SLC23A2: variants seen among roughly 807,000 people sequenced by gnomAD.
SLC23A2 encodes the protein solute carrier family 23 member 2.
In SLC23A2, 36 loss-of-function variants were observed where a neutral mutation model predicts 73.3. That is an observed-to-expected ratio of 0.49 (90% CI 0.38 to 0.65). The LOEUF (loss-of-function observed/expected upper bound fraction) is 0.65. Ranked by LOEUF, SLC23A2 falls within the 30% of genes least tolerant of loss-of-function variation. The pLI is 0.00. For synonymous variants in SLC23A2, 343 were observed against 327.3 expected (o/e 1.05, Z -0.52); for missense variants, 507 against 841.6 (o/e 0.60, Z 4.92).
At chr20:4,882,675 G>C (rs1930937815) in intron 9 of SLC23A2, among the ~76,000 whole-genome samples, 1 of 152,076 alleles carries the variant, frequency 6.6e-6, no homozygotes, top group Non-Finnish European at 1.5e-5. Context: ...ATTACGTCGT[G>C]GTGCTCAGTG....
At chr20:4,927,882 T>C (rs1451475690) in intron 3 of SLC23A2, among the ~76,000 whole-genome samples, 5 of 151,994 alleles carry the variant, frequency 3.3e-5, no homozygotes, top group African/African-American at 4.8e-5. Context: ...ACTAATCCCA[T>C]CCATCAGGCA....
At chr20:4,917,102 C>T (rs574593086) in intron 3 of SLC23A2, among the ~76,000 whole-genome samples, 1 of 152,310 alleles carries the variant, frequency 6.6e-6, no homozygotes, top group South Asian at 2.1e-4. Context: ...CCTGCAGGAG[C>T]TCAGTCCAGA....
intron 4 of SLC23A2, among the ~76,000 whole-genome samples, chr20:4,912,322 A>G (rs1389933635): frequency 6.6e-6 from 1 of 152,130 alleles, no homozygotes; most frequent in Non-Finnish European, 1.5e-5. Context: ...TGCTACGGTC[A>G]AAACTCAAAG....
intron 1 of SLC23A2, among the ~76,000 whole-genome samples, chr20:4,995,597 TG>T (rs1690787898): frequency 6.6e-6 from 1 of 152,188 alleles, no homozygotes. Context: ...CGATCTGGAA[TG>T]TCATTCCCAA....
intron 3 of SLC23A2, among the ~76,000 whole-genome samples, chr20:4,916,933 G>C (rs568178359): frequency 6.6e-5 from 10 of 152,308 alleles, no homozygotes; most frequent in African/African-American, 1.2e-4. Flanking sequence ...AGTAGGTTAG[G>C]TGTATTAAAT....
chr20:4,912,243 A>G (rs1932182837), intron 4 of SLC23A2, among the ~76,000 whole-genome samples: 1 of 152,098 alleles, frequency 6.6e-6, no homozygotes. Flanking sequence ...AAAATAAACA[A>G]AAAAACCACA....
At chr20:4,926,185 C>T (rs976506061) in intron 3 of SLC23A2, among the ~76,000 whole-genome samples, 4 of 150,460 alleles carry the variant, frequency 2.7e-5, no homozygotes, top group Non-Finnish European at 5.9e-5. Flanking sequence ...TAAAGTTACT[C>T]GTCGGTCCAT....
intron 11 of SLC23A2, among the ~76,000 whole-genome samples, chr20:4,871,597 G>A (rs935606609): frequency 6.6e-6 from 1 of 152,180 alleles, no homozygotes; most frequent in African/African-American, 2.4e-5. Context: ...AGTCAGACGT[G>A]CAGAATAAGC....
At chr20:4,859,640 G>C in intron 15 of SLC23A2, among the ~76,000 whole-genome samples, 1 of 152,224 alleles carries the variant, frequency 6.6e-6, no homozygotes, top group East Asian at 1.9e-4. Flanking sequence ...ATGAATCTAA[G>C]AGTGGTGTTC....
chr20:4,932,713 G>A lies in SLC23A2; in HGVS notation c.-151C>T, dbSNP rs6052969. On this transcript the variant is annotated 5_prime_UTR_variant, in exon 3 of 17. Transcript: ENST00000338244. ...TGAGGCCTGCAAACGGCATCTCTTA[G>A]CACCTAGAAAAGAAGAGCACAGCCA... The A allele has an allele frequency of 1.7e-6, 1 of 602,582 alleles. No homozygotes were observed. The allele number at this position is 602,582 out of a possible 1,614,324, so 37.3% of individuals were successfully genotyped here.
intron 2 of SLC23A2, among the ~76,000 whole-genome samples, chr20:4,940,185 G>A (rs1319686445): frequency 2.0e-5 from 3 of 152,028 alleles, no homozygotes; most frequent in Admixed American, 6.6e-5. Flanking sequence ...TGGGTGTGGT[G>A]GCATGCACCT....
intron 1 of SLC23A2, among the ~76,000 whole-genome samples, chr20:5,006,515 A>G (rs1353223562): frequency 6.6e-6 from 1 of 151,834 alleles, no homozygotes; most frequent in Non-Finnish European, 1.5e-5. Flanking sequence ...CCTATCATCA[A>G]ATTGATGGCA....
At chr20:5,008,033 C>T (rs1382047197) in intron 1 of SLC23A2, among the ~76,000 whole-genome samples, 1 of 152,052 alleles carries the variant, frequency 6.6e-6, no homozygotes, top group Non-Finnish European at 1.5e-5. Context: ...CCTCAGCCTC[C>T]TGAGTAGCTG....
At chr20:4,869,646 T>A (rs1930359133) in intron 12 of SLC23A2, 1 of 433,410 alleles carries the variant, frequency 2.3e-6, no homozygotes, top group Non-Finnish European at 4.1e-6. Context: ...GAGTGTGTTA[T>A]TTGATGTCAC....
intron 4 of SLC23A2, among the ~76,000 whole-genome samples, chr20:4,912,300 A>C (rs916030162): frequency 3.3e-5 from 5 of 152,080 alleles, no homozygotes; most frequent in African/African-American, 1.2e-4. Context: ...TGGCACACTA[A>C]GGTGCCAAAG....
At chr20:4,895,561 T>C (rs1433239721) in intron 6 of SLC23A2, among the ~76,000 whole-genome samples, 1 of 152,158 alleles carries the variant, frequency 6.6e-6, no homozygotes, top group Non-Finnish European at 1.5e-5. Context: ...TTAGGCGAAA[T>C]ATATCATTCC....
intron 3 of SLC23A2, among the ~76,000 whole-genome samples, chr20:4,922,297 G>C (rs1320494407): frequency 6.6e-6 from 1 of 152,094 alleles, no homozygotes; most frequent in Non-Finnish European, 1.5e-5. Context: ...AAGGCTGTGG[G>C]GCAGGGAGAT....
chr20:4,966,026 C>T (rs928502572), intron 2 of SLC23A2, among the ~76,000 whole-genome samples: 2 of 149,754 alleles, frequency 1.3e-5, no homozygotes, highest in Admixed American at 6.7e-5. Flanking sequence ...TATAATCATA[C>T]CACCATACTC....
At chr20:4,891,907 C>T (rs1931344314) in intron 6 of SLC23A2, among the ~76,000 whole-genome samples, 1 of 151,596 alleles carries the variant, frequency 6.6e-6, no homozygotes, top group African/African-American at 2.4e-5. Context: ...TGCACCACCA[C>T]ACCTGGCTAA....
Sources: allele counts gnomAD v4.1 joint callset (sites outside exome capture counted in the v4.1 genomes callset), GRCh38; gene constraint gnomAD v4.1.1; transcripts MANE v1.5; gene names NCBI Gene and HGNC (gene_info 2026-07-23, HGNC 2026-07-21).